FTO: variants seen among roughly 807,000 people sequenced by gnomAD.
FTO encodes the protein FTO alpha-ketoglutarate dependent dioxygenase, also known as alpha-ketoglutarate-dependent dioxygenase FTO.
A neutral mutation model predicts 63.9 loss-of-function variants in FTO; 47 were observed. The ratio of observed to expected loss-of-function variants is 0.74; its 90% CI spans 0.58 to 0.94. The LOEUF is 0.94. Among genes scored for constraint, FTO ranks in the 40% least tolerant of loss-of-function variants. The pLI is 0.00. For missense variants in FTO, 562 were observed against 618.1 expected (o/e 0.91, Z 0.96); for synonymous variants, 207 against 224.4 (o/e 0.92, Z 0.69).
At chr16:53,960,555 C>T (rs1861555) in intron 8 of FTO, among the ~76,000 whole-genome samples, 13,602 of 152,180 alleles carry the variant, frequency 0.089, 782 homozygotes, top group African/African-American at 0.16. Context: ...GAAAGAGGCT[C>T]CCATTGTCTT....
At chr16:54,049,811 C>T (rs896463435) in intron 8 of FTO, among the ~76,000 whole-genome samples, 13 of 152,096 alleles carry the variant, frequency 8.5e-5, no homozygotes, top group East Asian at 5.8e-4. Context: ...AGGATTTGGC[C>T]GTGGATCCAA....
chr16:53,826,521 T>C (rs746332057), intron 3 of FTO, 30 bp downstream of exon 3: 3 of 1,610,634 alleles, frequency 1.9e-6, no homozygotes, highest in East Asian at 4.5e-5. Context: ...AAAGCAGCCC[T>C]GTATGTAATA....
chr16:54,083,565 C>T (rs2086196022), intron 8 of FTO, among the ~76,000 whole-genome samples: 1 of 152,150 alleles, frequency 6.6e-6, no homozygotes. Flanking sequence ...AAAACCTTGG[C>T]TTTGTCATGG....
At chr16:53,817,572 TA>T (rs1201650701) in intron 2 of FTO, among the ~76,000 whole-genome samples, 1 of 126,476 alleles carries the variant, frequency 7.9e-6, no homozygotes, top group Non-Finnish European at 1.8e-5. Flanking sequence ...CTTGAATATT[TA>T]AATTTTTTTT....
intron 1 of FTO, 83 bp downstream of exon 1, chr16:53,704,312 A>G (rs1355202938): frequency 1.5e-6 from 2 of 1,371,086 alleles, no homozygotes; most frequent in Admixed American, 2.0e-5. Flanking sequence ...TTTGATGGCG[A>G]GCGGATGCGC....
intron 8 of FTO, among the ~76,000 whole-genome samples, chr16:53,943,969 A>G (rs1411786892): frequency 6.6e-6 from 1 of 152,182 alleles, no homozygotes; most frequent in Non-Finnish European, 1.5e-5. Flanking sequence ...GAAGGCTTAA[A>G]TTCAGGCCAC....
chr16:54,003,399 T>C (rs2084115678), intron 8 of FTO, among the ~76,000 whole-genome samples: 1 of 152,284 alleles, frequency 6.6e-6, no homozygotes, highest in African/African-American at 2.4e-5. Context: ...TTGTCATTAT[T>C]GTCACCCACT....
At chr16:53,905,297 C>T (rs1421979145) in intron 7 of FTO, among the ~76,000 whole-genome samples, 1 of 152,106 alleles carries the variant, frequency 6.6e-6, no homozygotes, top group Admixed American at 6.5e-5. Flanking sequence ...GCCCTGACTT[C>T]ATCATTTTGT....
chr16:54,038,364 T>C (rs1486919852), intron 8 of FTO, among the ~76,000 whole-genome samples: 2 of 152,172 alleles, frequency 1.3e-5, no homozygotes, highest in Non-Finnish European at 2.9e-5. Flanking sequence ...GAGAGGACTC[T>C]CAGTGAAGTT....
intron 8 of FTO, among the ~76,000 whole-genome samples, chr16:53,968,319 G>A (rs1022420326): frequency 1.3e-5 from 2 of 152,178 alleles, no homozygotes; most frequent in East Asian, 1.9e-4. Flanking sequence ...GGTATCTGGG[G>A]TATCAGTAGC....
chr16:53,848,207 A>T, intron 4 of FTO, among the ~76,000 whole-genome samples: 1 of 152,192 alleles, frequency 6.6e-6, no homozygotes, highest in East Asian at 1.9e-4. Flanking sequence ...CAAATAGCAC[A>T]AGGAGCCCCG....
intron 8 of FTO, chr16:54,000,076 T>A (rs2084033224): frequency 6.6e-6 from 1 of 152,148 alleles, no homozygotes; most frequent in Non-Finnish European, 1.5e-5. Flanking sequence ...ATGATAAATG[T>A]TTATACTCTA....
chr16:53,849,811 T>C (rs1351041648), intron 4 of FTO, among the ~76,000 whole-genome samples: 1 of 151,966 alleles, frequency 6.6e-6, no homozygotes, highest in Non-Finnish European at 1.5e-5. Flanking sequence ...TCTCCAGGAG[T>C]TTAGACTCTT....
At chr16:53,989,999 A>G (rs2143892913) in intron 8 of FTO, among the ~76,000 whole-genome samples, 1 of 152,318 alleles carries the variant, frequency 6.6e-6, no homozygotes, top group Non-Finnish European at 1.5e-5. Flanking sequence ...GTAAGAATAC[A>G]GTATAGAATG....
chr16:54,021,028 T>C (rs1304808981), intron 8 of FTO, among the ~76,000 whole-genome samples: 2 of 152,162 alleles, frequency 1.3e-5, no homozygotes, highest in African/African-American at 2.4e-5. Context: ...ACTTGTACCA[T>C]TTTGGAAGAT....
At chr16:54,074,085 G>A (rs912982833) in intron 8 of FTO, among the ~76,000 whole-genome samples, 6 of 151,332 alleles carry the variant, frequency 4.0e-5, no homozygotes, top group East Asian at 3.9e-4. Flanking sequence ...TTCTACCCTC[G>A]AAAACTGTTT....
In FTO at chr16:53,797,907, G is replaced by A. The variant is rs532672768; in HGVS notation, c.46-12233G>A. Among the ~76,000 whole-genome samples the A allele has an allele frequency of 3.3e-5, 5 of 152,038 alleles. No homozygotes were observed. The East Asian group carries it at 5.8e-4, about 18-fold the overall frequency. ...CTTGTGTAACTTAAATACTAAAAGA[G>A]TTTCGTATGTTTTCTAATACTAGTT... On this transcript the variant is annotated intron_variant, in intron 1 of 8. Transcript: ENST00000471389.
intron 2 of FTO, among the ~76,000 whole-genome samples, chr16:53,821,168 A>G (rs142829085): frequency 4.7e-4 from 72 of 152,268 alleles, no homozygotes; most frequent in African/African-American, 1.2e-3. Flanking sequence ...GTTTGTGCAT[A>G]TGAGTGCATT....
At chr16:53,997,309 A>G (rs2083959160) in intron 8 of FTO, among the ~76,000 whole-genome samples, 1 of 152,098 alleles carries the variant, frequency 6.6e-6, no homozygotes, top group African/African-American at 2.4e-5. Flanking sequence ...CCCATGATTC[A>G]ATTATCTACC....
Sources: gnomAD v4.1 joint callset for allele counts (sites outside exome capture counted in the v4.1 genomes callset) on GRCh38, gnomAD v4.1.1 for gene constraint, MANE v1.5 for transcripts, NCBI Gene and HGNC (gene_info 2026-07-23, HGNC 2026-07-21) for gene names.